The following KCNQ3 variants were observed in gnomAD, a reference collection of about 807,000 sequenced individuals.
KCNQ3 encodes potassium voltage-gated channel subfamily KQT member 3.
KCNQ3 carries 30 observed loss-of-function variants against 92.5 expected under a neutral mutation model. The observed-to-expected ratio is 0.32, with a 90% CI of 0.24 to 0.44. The LOEUF (loss-of-function observed/expected upper bound fraction) is 0.44. Among genes scored for constraint, KCNQ3 ranks in the 20% least tolerant of loss-of-function variants. KCNQ3 has a pLI of 1.00. For synonymous variants in KCNQ3, 450 were observed against 468.8 expected (o/e 0.96, Z 0.52); for missense variants, 913 against 1,140.3 (o/e 0.80, Z 2.87).
At chr8:132,354,870 C>T (rs951237127) in intron 1 of KCNQ3, among the ~76,000 whole-genome samples, 1 of 152,174 alleles carries the variant, frequency 6.6e-6, no homozygotes, top group African/African-American at 2.4e-5. Context: ...CTGCTCTTTA[C>T]AGTCCTCAGT....
intron 1 of KCNQ3, among the ~76,000 whole-genome samples, chr8:132,310,947 C>CTT (rs1159827165): frequency 7.1e-6 from 1 of 140,610 alleles, no homozygotes. Flanking sequence ...TTTTTTTTTT[C>CTT]TTTTTTTTTT....
Position 132,377,531 on chromosome 8 carries a change from G to C in KCNQ3, c.386+102616C>G, listed in dbSNP as rs537373391. On this transcript the variant is annotated intron_variant, in intron 1 of 14. Coordinates refer to ENST00000388996, the MANE Select transcript of KCNQ3 (RefSeq NM_004519.4). ...AGGATGAGGCTGGGTCAGGGAGTCC[G>C]CAGGCCTCCCAACCCATCACAGAAC... 2.2e-4 allele frequency among the ~76,000 whole-genome samples: 33 copies of C among 152,254 alleles called. No homozygotes were observed. In the South Asian group the frequency reaches 6.6e-3, roughly 31 times the overall value.
chr8:132,179,181 C>T (rs1372480041), intron 4 of KCNQ3, among the ~76,000 whole-genome samples: 1 of 151,332 alleles, frequency 6.6e-6, no homozygotes, highest in Non-Finnish European at 1.5e-5. Context: ...AAACAAAGTG[C>T]TACCAAAGAC....
intron 1 of KCNQ3, among the ~76,000 whole-genome samples, chr8:132,186,942 G>C (rs1390544136): frequency 4.9e-5 from 6 of 122,052 alleles, no homozygotes; most frequent in East Asian, 2.3e-4. Flanking sequence ...GTGAGAGAGA[G>C]AGAGAGAGAG....
At chr8:132,139,751 C>T (rs1418823306) in intron 11 of KCNQ3, among the ~76,000 whole-genome samples, 1 of 152,154 alleles carries the variant, frequency 6.6e-6, no homozygotes, top group African/African-American at 2.4e-5. Context: ...GAAGAAAACC[C>T]TCCACTCTGA....
chr8:132,477,927 G>A (rs1822452919), intron 1 of KCNQ3, among the ~76,000 whole-genome samples: 2 of 152,166 alleles, frequency 1.3e-5, no homozygotes, highest in African/African-American at 4.8e-5. Flanking sequence ...GCATTCAAAT[G>A]CGAGCTCCAG....
At chr8:132,409,209 ATTTGC>A (rs1290746300) in intron 1 of KCNQ3, among the ~76,000 whole-genome samples, 3 of 152,130 alleles carry the variant, frequency 2.0e-5, no homozygotes, top group Admixed American at 6.5e-5. Flanking sequence ...ATTGAGCCAA[ATTTGC>A]CTTCGGAAAG....
In KCNQ3 at chr8:132,318,505, G is replaced by A. The variant is rs568167648; in HGVS notation, c.387-132324C>T. Reference sequence around the variant, plus strand: ...TTGTCAGCTTCTTCAGCCCAGCTCTGTGTTTGCAAAGGGCTTGTCATGCAG... The same window carrying A: ...TTGTCAGCTTCTTCAGCCCAGCTCTATGTTTGCAAAGGGCTTGTCATGCAG... On this transcript the variant is annotated intron_variant, in intron 1 of 14. Transcript: ENST00000388996. Among the ~76,000 whole-genome samples the A allele has an allele frequency of 3.9e-4, 60 of 152,336 alleles. 1 individual carries two copies. In the South Asian group the frequency reaches 0.012, roughly 31 times the overall value.
chr8:132,267,049 T>C (rs1310901452), intron 1 of KCNQ3, among the ~76,000 whole-genome samples: 2 of 152,152 alleles, frequency 1.3e-5, no homozygotes, highest in African/African-American at 4.8e-5. Context: ...TAGAAAAGGC[T>C]CTGAAGGGAA....
chr8:132,189,311 A>G (rs1381944179), intron 1 of KCNQ3, among the ~76,000 whole-genome samples: 1 of 152,086 alleles, frequency 6.6e-6, no homozygotes, highest in East Asian at 1.9e-4. Flanking sequence ...ATCCCAGAGC[A>G]CCCTGATTCA....
rs1273700898 is a variant in KCNQ3, at chr8:132,124,128, C to T, written c.*5134G>A. On this transcript the variant is annotated 3_prime_UTR_variant, in exon 15 of 15. Transcript: ENST00000388996. Reference sequence around the variant, plus strand: ...CCACTGAGATCCAACATTCCTGCCTCTCTTCATTCCAAGATTCCTTCTGTT... The same window carrying T: ...CCACTGAGATCCAACATTCCTGCCTTTCTTCATTCCAAGATTCCTTCTGTT... 2 of 152,210 alleles carry T rather than the reference C, an allele frequency of 1.3e-5. No homozygotes were observed. Among genetic ancestry groups the T allele is most frequent in the African/African-American group, 4.8e-5 (2 of 41,454 alleles). The allele number at this position is 152,210 out of a possible 1,614,324, so 9.4% of individuals were successfully genotyped here.
intron 9 of KCNQ3, among the ~76,000 whole-genome samples, chr8:132,152,966 A>G (rs757657938): frequency 1.3e-5 from 2 of 152,310 alleles, no homozygotes; most frequent in South Asian, 2.1e-4. Flanking sequence ...ACTCTATCCC[A>G]TCATGATTTT....
At position 132,163,596 on chromosome 8, in the gene KCNQ3, G is replaced by A. The variant is rs550594421; in HGVS notation, c.1236-102C>T. On this transcript the variant is annotated intron_variant, in intron 8 of 14. Coordinates refer to ENST00000388996, the MANE Select transcript of KCNQ3 (RefSeq NM_004519.4). ...AAAGCTTCTCTCTGAAGATGATGGA[G>A]CAGAGTTGAGCTCTAGGACAGGATG... is the stretch of plus-strand genomic sequence containing the variant. 92 of 1,002,600 alleles carry A rather than the reference G, an allele frequency of 9.2e-5. No homozygotes were observed. In the South Asian group the frequency reaches 1.2e-3, roughly 13 times the overall value. The allele number at this position is 1,002,600 out of a possible 1,614,324, so 62.1% of individuals were successfully genotyped here.
intron 1 of KCNQ3, among the ~76,000 whole-genome samples, chr8:132,273,138 A>G (rs1238846864): frequency 1.3e-5 from 2 of 152,148 alleles, no homozygotes; most frequent in African/African-American, 4.8e-5. Flanking sequence ...CTCTGACCCC[A>G]TATTTTCCTT....
chr8:132,356,265 G>A (rs1362099765), intron 1 of KCNQ3, among the ~76,000 whole-genome samples: 2 of 152,202 alleles, frequency 1.3e-5, no homozygotes, highest in Non-Finnish European at 2.9e-5. Flanking sequence ...TTCATTCAAA[G>A]TCAAGTTTCT....
At position 132,128,436 on chromosome 8, in the gene KCNQ3, AG is replaced by A. The variant is rs1468367304; in HGVS notation, c.*825del. The A allele has an allele frequency of 6.6e-6, 1 of 152,142 alleles. No homozygotes were observed. The highest frequency in any genetic ancestry group is 2.4e-5 in the African/African-American group (1 of 41,418). 9.4% of individuals were successfully genotyped at this position (152,142 alleles called of 1,614,324 possible). A position where few individuals can be genotyped will look rare whatever the true frequency, so the allele number is the denominator to read the frequency against. ...GGCACTGAACTCAGCTCCTGCCCAG[AG>A]GGGCACTTCACTTCTGATAAATTCC... On this transcript the variant is annotated 3_prime_UTR_variant, in exon 15 of 15. Coordinates refer to ENST00000388996, the MANE Select transcript of KCNQ3 (RefSeq NM_004519.4).
chr8:132,432,185 A>T (rs1476776080), intron 1 of KCNQ3, among the ~76,000 whole-genome samples: 1 of 152,160 alleles, frequency 6.6e-6, no homozygotes, highest in East Asian at 1.9e-4. Flanking sequence ...TCATATCAGC[A>T]GCACCTGGGA....
chr8:132,237,481 G>A (rs1037491180), intron 1 of KCNQ3, among the ~76,000 whole-genome samples: 13 of 152,184 alleles, frequency 8.5e-5, no homozygotes, highest in Non-Finnish European at 1.6e-4. Flanking sequence ...CAAGGTTACA[G>A]CATAGCCAAG....
At chr8:132,371,547 T>C (rs1473961728) in intron 1 of KCNQ3, among the ~76,000 whole-genome samples, 1 of 152,158 alleles carries the variant, frequency 6.6e-6, no homozygotes, top group Non-Finnish European at 1.5e-5. Flanking sequence ...ATGGCTACCT[T>C]CAATATGCTG....
Sources: allele counts gnomAD v4.1 joint callset (sites outside exome capture counted in the v4.1 genomes callset), GRCh38; gene constraint gnomAD v4.1.1; transcripts MANE v1.5; gene names NCBI Gene and HGNC (gene_info 2026-07-23, HGNC 2026-07-21).